Variants in SRGAP3 observed in about 807,000 individuals in gnomAD.
SRGAP3 encodes the protein SLIT-ROBO Rho GTPase activating protein 3, also known as SLIT-ROBO Rho GTPase-activating protein 3.
A neutral mutation model predicts 121.1 loss-of-function variants in SRGAP3; 39 were observed. The observed-to-expected ratio is 0.32, with a 90% confidence interval of 0.25 to 0.42. The LOEUF (loss-of-function observed/expected upper bound fraction) is 0.42, where lower values mean the gene tolerates loss of function less well. Ranked by LOEUF, SRGAP3 falls within the 10% of genes least tolerant of loss-of-function variation. The pLI is 1.00. For missense variants in SRGAP3, 1,213 were observed against 1,470.6 expected (o/e 0.82, Z 2.86); for synonymous variants, 601 against 570.0 (o/e 1.05, Z -0.77).
At chr3:9,141,842 A>AG (rs1465947308) in intron 1 of SRGAP3, among the ~76,000 whole-genome samples, 2 of 152,110 alleles carry the variant, frequency 1.3e-5, no homozygotes, top group African/African-American at 2.4e-5. Flanking sequence ...TCTGCCTTTG[A>AG]GGATAGATGG....
At chr3:9,022,003 G>A (rs1574924425) in intron 14 of SRGAP3, among the ~76,000 whole-genome samples, 1 of 152,108 alleles carries the variant, frequency 6.6e-6, no homozygotes, top group South Asian at 2.1e-4. Flanking sequence ...AGGATCACCT[G>A]AACCGGAGGA....
chr3:9,028,804 A>G (rs958346881), intron 12 of SRGAP3, among the ~76,000 whole-genome samples: 1 of 152,040 alleles, frequency 6.6e-6, no homozygotes, highest in Non-Finnish European at 1.5e-5. Context: ...TGACCCTTAC[A>G]CTGGCATTAA....
intron 3 of SRGAP3, among the ~76,000 whole-genome samples, chr3:9,286,324 C>A (rs559875003): frequency 1.2e-4 from 18 of 152,216 alleles, no homozygotes; most frequent in South Asian, 4.2e-4. Context: ...AGCATGCCCC[C>A]CAACACACAC....
intron 2 of SRGAP3, among the ~76,000 whole-genome samples, chr3:9,107,213 A>C (rs1948448644): frequency 1.3e-5 from 2 of 152,234 alleles, no homozygotes; most frequent in African/African-American, 4.8e-5. Context: ...ATCCCTCAGC[A>C]TCTACTGTGT....
intron 4 of SRGAP3, among the ~76,000 whole-genome samples, chr3:9,075,081 G>A (rs556868318): frequency 5.9e-5 from 9 of 152,158 alleles, no homozygotes; most frequent in African/African-American, 1.9e-4. Flanking sequence ...ATTTTTAGCC[G>A]AACAGTGAAA....
rs539923947 is a variant in SRGAP3 at position 9,037,798 on chromosome 3, G to A, written c.1436+265C>T. On this transcript the variant is annotated intron_variant, in intron 11 of 21. Coordinates refer to ENST00000383836, the MANE Select transcript of SRGAP3 (RefSeq NM_014850.4). Reference sequence around the variant, plus strand: ...AATACTGTCTCACCCGATGGCCAGCGCAAAGGGAGGGTGCCCCACTGCCAC... The same window carrying A: ...AATACTGTCTCACCCGATGGCCAGCACAAAGGGAGGGTGCCCCACTGCCAC... 42 of 570,756 alleles carry A rather than the reference G, an allele frequency of 7.4e-5. No individual in the cohort carries two copies. The Admixed American group carries it at 9.1e-4, about 12-fold the overall frequency. The allele number at this position is 570,756 out of a possible 1,614,324, so 35.4% of individuals were successfully genotyped here.
Position 9,048,922 on chromosome 3 carries a change from G to A in SRGAP3, c.1324-1447C>T, listed in dbSNP as rs565556263. Among the ~76,000 whole-genome samples, 9 of 152,248 alleles carry A rather than the reference G, an allele frequency of 5.9e-5. No individual in the cohort carries two copies. In the East Asian group the frequency reaches 1.7e-3, roughly 29 times the overall value. ...ACATTTGAGCCAAGGCCTGAAGGAGGTAGAAAGGGGGCCACATGGGGACCT... is the reference window on the plus strand; with the variant it reads ...ACATTTGAGCCAAGGCCTGAAGGAGATAGAAAGGGGGCCACATGGGGACCT... On this transcript the variant is annotated intron_variant, in intron 9 of 21. Transcript: ENST00000383836.
At chr3:9,263,881 T>A (rs567595014) in intron 3 of SRGAP3, among the ~76,000 whole-genome samples, 52 of 152,316 alleles carry the variant, frequency 3.4e-4, no homozygotes, top group African/African-American at 1.0e-3. Context: ...GAAGCCAGCA[T>A]CATCCTGATA....
chr3:9,178,829 G>A (rs1030478406), intron 1 of SRGAP3, among the ~76,000 whole-genome samples: 9 of 152,226 alleles, frequency 5.9e-5, no homozygotes, highest in East Asian at 5.8e-4. Flanking sequence ...TCTTTGTTCC[G>A]CCCTAGACCC....
chr3:9,045,492 AAACTAAGT>A (rs1340460181), intron 10 of SRGAP3, among the ~76,000 whole-genome samples: 1 of 152,088 alleles, frequency 6.6e-6, no homozygotes, highest in East Asian at 1.9e-4. Context: ...AGTTATGCCA[AAACTAAGT>A]ATGGTGATAA....
At chr3:9,295,710 C>A (rs918557690) in intron 3 of SRGAP3, among the ~76,000 whole-genome samples, 12 of 152,126 alleles carry the variant, frequency 7.9e-5, no homozygotes, top group South Asian at 2.1e-4. Context: ...ATATTCATAT[C>A]ATTGTGCAAC....
chr3:9,142,799 T>C (rs1949899299), intron 1 of SRGAP3, among the ~76,000 whole-genome samples: 1 of 148,556 alleles, frequency 6.7e-6, no homozygotes, highest in Non-Finnish European at 1.5e-5. Flanking sequence ...AAGAGCCTAC[T>C]GCGTGTCAAC....
At chr3:9,053,803 G>C (rs1195797052) in intron 8 of SRGAP3, among the ~76,000 whole-genome samples, 1 of 152,170 alleles carries the variant, frequency 6.6e-6, no homozygotes, top group Non-Finnish European at 1.5e-5. Flanking sequence ...TTTTCTTCTG[G>C]AATTTCGTGG....
At position 9,258,533 on chromosome 3, in the gene SRGAP3, C is replaced by T. The variant is rs546887290; in HGVS notation, n.442+67477G>A. Among the ~76,000 whole-genome samples, 7 of 152,284 alleles carry T rather than the reference C, an allele frequency of 4.6e-5. No individual in the cohort carries two copies. The South Asian group carries it at 1.5e-3, about 32-fold the overall frequency. ...GGTGACTCTAGTGGCAGTGTGGAAA[C>T]CAGACTAGAACAGGCAAGACAAGGA... On this transcript the variant is annotated intron_variant and non_coding_transcript_variant, in intron 3 of 3. Coordinates refer to the SRGAP3 transcript ENST00000490889.
intron 1 of SRGAP3, among the ~76,000 whole-genome samples, chr3:9,222,797 C>T (rs891990251): frequency 1.3e-5 from 2 of 152,232 alleles, no homozygotes; most frequent in African/African-American, 4.8e-5. Context: ...ACATAGCAGA[C>T]ACTCAGAGCA....
intron 3 of SRGAP3, among the ~76,000 whole-genome samples, chr3:9,285,767 T>G (rs914064012): frequency 1.0e-5 from 1 of 98,726 alleles, no homozygotes; most frequent in Non-Finnish European, 2.1e-5. Context: ...ACGCCCCACC[T>G]CAAAAAAAAA....
At chr3:9,258,369 G>C (rs1271090907) in intron 3 of SRGAP3, among the ~76,000 whole-genome samples, 1 of 152,206 alleles carries the variant, frequency 6.6e-6, no homozygotes, top group African/African-American at 2.4e-5. Context: ...GCCAGGCAGA[G>C]AGTGGGAGAG....
At chr3:9,313,644 T>C (rs1216296232) in intron 3 of SRGAP3, among the ~76,000 whole-genome samples, 2 of 151,352 alleles carry the variant, frequency 1.3e-5, no homozygotes, top group Non-Finnish European at 2.9e-5. Flanking sequence ...ACCACTGCAC[T>C]CCAGCCTGGG....
At chr3:9,132,673 T>C (rs1049585197) in intron 1 of SRGAP3, among the ~76,000 whole-genome samples, 1 of 152,202 alleles carries the variant, frequency 6.6e-6, no homozygotes. Flanking sequence ...TTTAAAGACA[T>C]GTTGGTTGCT....
Sources: gnomAD v4.1 joint callset for allele counts (sites outside exome capture counted in the v4.1 genomes callset) on GRCh38, gnomAD v4.1.1 for gene constraint, MANE v1.5 for transcripts, NCBI Gene and HGNC (gene_info 2026-07-23, HGNC 2026-07-21) for gene names.